The following LGMN variants were observed in gnomAD, a reference collection of about 807,000 sequenced individuals.
LGMN encodes the protein asparaginyl endopeptidase.
A neutral mutation model predicts 56.8 loss-of-function variants in LGMN; 36 were observed. The ratio of observed to expected loss-of-function variants is 0.63; its 90% CI spans 0.49 to 0.84. The LOEUF (loss-of-function observed/expected upper bound fraction) is 0.84, where lower values mean the gene tolerates loss of function less well. Ranked by LOEUF, LGMN falls within the 40% of genes least tolerant of loss-of-function variation. The probability of loss-of-function intolerance (pLI) is 0.00; values close to 1 mark genes in which losing one functional copy is unlikely to be tolerated. For missense variants in LGMN, 446 were observed against 556.1 expected (o/e 0.80, Z 1.99); for synonymous variants, 199 against 210.1 (o/e 0.95, Z 0.46).
intron 7 of LGMN, among the ~76,000 whole-genome samples, chr14:92,713,326 C>T (rs1400601675): frequency 7.2e-5 from 11 of 152,000 alleles, no homozygotes; most frequent in African/African-American, 2.7e-4. Context: ...GTGATCTTCC[C>T]GCCTCAGCCT....
At chr14:92,738,409 G>A (rs760849845) in intron 1 of LGMN, among the ~76,000 whole-genome samples, 1 of 151,572 alleles carries the variant, frequency 6.6e-6, no homozygotes, top group African/African-American at 2.4e-5. Context: ...CTCCCGAGCA[G>A]CTGGGACTAC....
chr14:92,719,796 A>T (rs972551325), intron 2 of LGMN, among the ~76,000 whole-genome samples: 2 of 152,260 alleles, frequency 1.3e-5, no homozygotes, highest in African/African-American at 4.8e-5. Context: ...CTCAGGTGAA[A>T]CATACTACCA....
At chr14:92,712,712 C>T (rs761148967) in intron 8 of LGMN, 93 bp downstream of exon 8, 11 of 1,224,800 alleles carry the variant, frequency 9.0e-6, no homozygotes, top group Non-Finnish European at 1.3e-5. Flanking sequence ...CCCTCAGCAG[C>T]CCCTGCTTAC....
At chr14:92,715,436 C>A (rs1890024652) in intron 5 of LGMN, among the ~76,000 whole-genome samples, 1 of 152,134 alleles carries the variant, frequency 6.6e-6, no homozygotes, top group African/African-American at 2.4e-5. Flanking sequence ...GGCTGGTCTT[C>A]AACTCCTGAT....
In LGMN at chr14:92,709,774, G is replaced by A. The variant is rs11557191; in HGVS notation, c.918C>T (p.Pro306=). 1.2e-3 allele frequency: 1,899 copies of A among 1,614,042 alleles called. 23 individuals carry two copies. The African/African-American group carries it at 0.023, about 20-fold the overall frequency. ...TGATGGTGAGAGGCACATCAGGGCT[G>A]GGGGTGAGGTCAAGGTGTGTGACTG... ...LPPVTHLDLT[P]SPDVPLTIMK... The change falls in exon 11 of 14, where the codon CCC becomes CCT. Residue 306 remains proline (P), a synonymous_variant. Transcript: ENST00000334869.
intron 2 of LGMN, among the ~76,000 whole-genome samples, chr14:92,727,231 A>G (rs1890784427): frequency 6.6e-6 from 1 of 151,962 alleles, no homozygotes; most frequent in African/African-American, 2.4e-5. Flanking sequence ...GGAGTTCAAG[A>G]CCAGCCTAGG....
intron 1 of LGMN, among the ~76,000 whole-genome samples, chr14:92,745,110 C>T (rs1268073577): frequency 6.6e-6 from 1 of 151,928 alleles, no homozygotes; most frequent in Non-Finnish European, 1.5e-5. Context: ...CTGGCCTGGG[C>T]AAGATAGTGA....
intron 1 of LGMN, chr14:92,742,951 T>G (rs1891627832): frequency 6.6e-6 from 1 of 151,744 alleles, no homozygotes; most frequent in Non-Finnish European, 1.5e-5. Flanking sequence ...GGAGGATCAC[T>G]TGAGCCCGGG....
At chr14:92,739,673 G>A (rs1211351605) in intron 1 of LGMN, among the ~76,000 whole-genome samples, 1 of 152,158 alleles carries the variant, frequency 6.6e-6, no homozygotes, top group East Asian at 1.9e-4. Flanking sequence ...AGGAGTGGGA[G>A]GTGTCATTTG....
rs773731547 is a variant in LGMN, at chr14:92,704,696, C to T, written c.1203G>A (p.Ala401=). The T allele has an allele frequency of 2.1e-5, 34 of 1,613,114 alleles. No homozygotes were observed. Among genetic ancestry groups the T allele is most frequent in the East Asian group, 6.7e-5 (3 of 44,866 alleles). ...FNWHSPTYEY[A]LRHLYVLVNL... The stretch of plus-strand genomic sequence containing the variant: ...TGACCAGCACGTACAAATGTCTCAA[C>T]GCATACTCGTACTGGGAGAAAACAA... The change falls in exon 13 of 14, where the codon GCG becomes GCA. Residue 401 remains alanine, a synonymous_variant. Coordinates refer to ENST00000334869, the MANE Select transcript of LGMN (RefSeq NM_005606.7).
intron 1 of LGMN, among the ~76,000 whole-genome samples, chr14:92,733,040 T>A (rs1891132910): frequency 6.6e-6 from 1 of 150,994 alleles, no homozygotes; most frequent in Non-Finnish European, 1.5e-5. Flanking sequence ...TCCCAGCTAC[T>A]CGGGAGGCTG....
Position 92,748,550 on chromosome 14 carries a change from G to C in LGMN, c.-91C>G, listed in dbSNP as rs1290420632. On this transcript the variant is annotated 5_prime_UTR_variant, in exon 1 of 14. Coordinates refer to ENST00000334869, the MANE Select transcript of LGMN (RefSeq NM_005606.7). ...GCGGCGGTGAGTGACCGCGGTGGTG[G>C]CGCCGGCGGGACCGTGAGAACTCGC... 2 of 156,088 alleles carry C rather than the reference G, an allele frequency of 1.3e-5. No individual in the cohort carries two copies. Among genetic ancestry groups the C allele is most frequent in the Non-Finnish European group, 2.8e-5 (2 of 70,282 alleles). 9.7% of individuals were successfully genotyped at this position (156,088 alleles called of 1,614,324 possible). A position where few individuals can be genotyped will look rare whatever the true frequency, so the allele number is the denominator to read the frequency against.
intron 12 of LGMN, 99 bp downstream of exon 12, chr14:92,706,384 A>G: frequency 2.0e-6 from 2 of 1,015,644 alleles, no homozygotes; most frequent in South Asian, 2.5e-5. Context: ...CTCAGCCTGG[A>G]TGGAACCTTC....
In LGMN at chr14:92,704,706, T is replaced by C; in HGVS notation, c.1193A>G (p.Tyr398Cys). The part of the protein sequence containing the change: ...THCFNWHSPT[Y>C]EYALRHLYVL... ...GTACAAATGTCTCAACGCATACTCG[T>C]ACTGGGAGAAAACAAACGAGAAGAA... The change falls in exon 13 of 14, where the codon TAC becomes TGC. Residue 398 changes from tyrosine to cysteine, a missense_variant and splice_region_variant. Transcript: ENST00000334869. 6.2e-7 allele frequency: 1 copy of C among 1,612,454 alleles called. No homozygotes were observed. Among genetic ancestry groups the C allele is most frequent in the Non-Finnish European group, 8.5e-7 (1 of 1,178,480 alleles).
At chr14:92,719,277 C>T (rs1215496253) in intron 2 of LGMN, among the ~76,000 whole-genome samples, 1 of 88,282 alleles carries the variant, frequency 1.1e-5, no homozygotes, top group East Asian at 4.6e-4. Context: ...CCGCCGCCGC[C>T]ACCGCCGCCG....
In LGMN at chr14:92,717,421, T is replaced by C. The variant is rs763252962; in HGVS notation, c.277A>G (p.Thr93Ala). The C allele has an allele frequency of 4.3e-6, 7 of 1,613,610 alleles. No individual in the cohort carries two copies. The Admixed American group carries it at 8.3e-5, about 19-fold the overall frequency. The change falls in exon 4 of 14, where the codon ACA becomes GCA. Residue 93 changes from threonine (T) to alanine (A), a missense_variant. Transcript: ENST00000334869. ...TTCGGGACTCCCTGATAGACATCTG[T>C]GCCATTGGGCCTGTTGATCACAATT... ...PGIVINRPNGTDVYQGVPKDY... is the reference protein window; with the variant it reads ...PGIVINRPNGADVYQGVPKDY...
At chr14:92,724,667 C>T (rs530353073) in intron 2 of LGMN, among the ~76,000 whole-genome samples, 2 of 152,320 alleles carry the variant, frequency 1.3e-5, no homozygotes, top group Non-Finnish European at 2.9e-5. Context: ...TCCGGAATGA[C>T]AAACAGAGAT....
chr14:92,709,994 C>T, intron 10 of LGMN, 122 bp from the exon 11 acceptor site: 1 of 687,490 alleles, frequency 1.5e-6, no homozygotes, highest in South Asian at 2.0e-5. Context: ...CAACATACCC[C>T]AAGTCCAGCC....
At chr14:92,731,084 C>T (rs762240933) in intron 2 of LGMN, among the ~76,000 whole-genome samples, 1 of 152,174 alleles carries the variant, frequency 6.6e-6, no homozygotes, top group Admixed American at 6.5e-5. Context: ...TGAGCTGTAC[C>T]GCTTTGGGCA....
Sources: allele counts gnomAD v4.1 joint callset (sites outside exome capture counted in the v4.1 genomes callset), GRCh38; gene constraint gnomAD v4.1.1; transcripts MANE v1.5; gene names NCBI Gene and HGNC (gene_info 2026-07-23, HGNC 2026-07-21).